The following MRGPRX3 variants were observed in gnomAD, a reference collection of about 807,000 sequenced individuals.
The protein encoded by MRGPRX3 is MAS related GPR family member X3.
In MRGPRX3, 14 loss-of-function variants were observed where a neutral mutation model predicts 16.5. That is an observed-to-expected ratio of 0.85 (90% CI 0.56 to 1.33). The LOEUF is 1.33. Ranked by LOEUF, MRGPRX3 falls within the 40% of genes most tolerant of loss-of-function variation. The probability of loss-of-function intolerance (pLI) is 0.00; values close to 1 mark genes in which losing one functional copy is unlikely to be tolerated. For missense variants in MRGPRX3, 449 were observed against 413.0 expected (o/e 1.09, Z -0.76); for synonymous variants, 199 against 180.1 (o/e 1.10, Z -0.84).
At chr11:18,121,519 A>G (rs1359142194) in intron 1 of MRGPRX3, among the ~76,000 whole-genome samples, 3 of 152,244 alleles carry the variant, frequency 2.0e-5, no homozygotes, top group Non-Finnish European at 4.4e-5. Flanking sequence ...CTCATTGAGA[A>G]CGGGCCAGGA....
chr11:18,121,808 C>T (rs960587319), intron 1 of MRGPRX3, among the ~76,000 whole-genome samples: 1 of 151,982 alleles, frequency 6.6e-6, no homozygotes, highest in East Asian at 1.9e-4. Flanking sequence ...GCAGCATGCT[C>T]GTTAAGAGTC....
intron 1 of MRGPRX3, among the ~76,000 whole-genome samples, chr11:18,135,473 A>T (rs750280625): frequency 2.0e-5 from 3 of 152,144 alleles, no homozygotes; most frequent in Non-Finnish European, 4.4e-5. Flanking sequence ...ATGCTCCTCT[A>T]TACTCCCAGA....
chr11:18,126,932 A>T (rs1362730654), intron 1 of MRGPRX3, among the ~76,000 whole-genome samples: 1 of 152,236 alleles, frequency 6.6e-6, no homozygotes, highest in Non-Finnish European at 1.5e-5. Context: ...TGCTATTGTG[A>T]ATAGTGCCAC....
upstream of MRGPRX3, among the ~76,000 whole-genome samples, chr11:18,131,381 A>C (rs1003121352): frequency 5.9e-5 from 9 of 152,332 alleles, no homozygotes; most frequent in African/African-American, 2.2e-4. Flanking sequence ...TAAGGACATG[A>C]ATAGACAATT....
intron 1 of MRGPRX3, 128 bp downstream of exon 1, chr11:18,132,867 A>G (rs1012353696): frequency 7.9e-5 from 12 of 152,266 alleles, no homozygotes; most frequent in Non-Finnish European, 1.6e-4. Context: ...GACAGGAGAC[A>G]TGAAGCTTCC....
At chr11:18,130,623 C>A (rs1234530724), upstream of MRGPRX3, among the ~76,000 whole-genome samples, 1 of 151,224 alleles carries the variant, frequency 6.6e-6, no homozygotes, top group Non-Finnish European at 1.5e-5. Flanking sequence ...CAATGCAATT[C>A]CCACCAAAAT....
At chr11:18,124,488 G>A (rs1238919462) in intron 1 of MRGPRX3, among the ~76,000 whole-genome samples, 1 of 152,166 alleles carries the variant, frequency 6.6e-6, no homozygotes, top group Non-Finnish European at 1.5e-5. Context: ...GCTGGATTAT[G>A]TTTATTGATT....
At chr11:18,122,027 GAAA>G (rs57582114) in intron 1 of MRGPRX3, among the ~76,000 whole-genome samples, 3 of 137,328 alleles carry the variant, frequency 2.2e-5, no homozygotes, top group Non-Finnish European at 4.6e-5. Flanking sequence ...AAGAAAAAAA[GAAA>G]AAAAAAAAAG....
In MRGPRX3 at chr11:18,137,770, G is replaced by A. The variant is rs1288355045; in HGVS notation, c.568G>A (p.Val190Ile). Residue 190 changes from valine (V) to isoleucine (I), a missense_variant, in exon 2 of 2, where the codon GTT becomes ATT. Transcript: ENST00000621697. ...TIAWLVFLCV[V>I]LCGSSLVLLV... Reference sequence around the variant, plus strand: ...CGCGTGGCTGGTTTTTTTATGTGTGGTTCTCTGTGGGTCCAGCCTGGTCCT... The same window carrying A: ...CGCGTGGCTGGTTTTTTTATGTGTGATTCTCTGTGGGTCCAGCCTGGTCCT... The A allele has an allele frequency of 2.5e-6, 4 of 1,614,048 alleles. No individual in the cohort carries two copies. Among genetic ancestry groups the A allele is most frequent in the East Asian group, 2.2e-5 (1 of 44,874 alleles).
intron 1 of MRGPRX3, among the ~76,000 whole-genome samples, chr11:18,121,806 C>T (rs1412291943): frequency 6.6e-6 from 1 of 152,020 alleles, no homozygotes; most frequent in Non-Finnish European, 1.5e-5. Context: ...AGGCAGCATG[C>T]TCGTTAAGAG....
At chr11:18,134,793 C>T (rs1466220528) in intron 1 of MRGPRX3, among the ~76,000 whole-genome samples, 1 of 152,200 alleles carries the variant, frequency 6.6e-6, no homozygotes. Flanking sequence ...TTCTATTAAT[C>T]CCATGAGCCA....
Position 18,137,687 on chromosome 11 carries a change from A to C in MRGPRX3, c.485A>C (p.Asp162Ala), listed in dbSNP as rs757003097. The C allele has an allele frequency of 6.2e-7, 1 of 1,613,714 alleles. No individual in the cohort carries two copies. Among genetic ancestry groups the C allele is most frequent in the Non-Finnish European group, 8.5e-7 (1 of 1,179,966 alleles). The part of the protein sequence containing the change: ...LRSILEWMFC[D>A]FLFSGANSVW... ...AGTATCCTGGAGTGGATGTTCTGTG[A>C]CTTCCTGTTTAGTGGTGCTAATTCT... is the stretch of plus-strand genomic sequence containing the variant. Residue 162 changes from aspartate (D) to alanine (A), a missense_variant, in exon 2 of 2, where the codon GAC becomes GCC. Transcript: ENST00000621697.
intron 1 of MRGPRX3, 120 bp from the exon 2 acceptor site, chr11:18,137,056 CTT>C (rs2134086082): frequency 1.9e-6 from 2 of 1,077,926 alleles, no homozygotes; most frequent in African/African-American, 3.2e-5. Flanking sequence ...TGATAGGTGA[CTT>C]ATTCTCTGCG....
At chr11:18,128,067 C>T (rs57992029), upstream of MRGPRX3, among the ~76,000 whole-genome samples, 4,345 of 152,276 alleles carry the variant, frequency 0.029, 197 homozygotes, top group African/African-American at 0.099. Flanking sequence ...GTATCAGCAG[C>T]GGAGGCTGCA....
In MRGPRX3 at chr11:18,137,670, G is replaced by A; in HGVS notation, c.468G>A (p.Leu156=). ...CCCTGTCCCTGCTGCGGAGTATCCT[G>A]GAGTGGATGTTCTGTGACTTCCTGT... ...LWALSLLRSI[L]EWMFCDFLFS... is the part of the protein sequence containing the mutation. Residue 156 remains leucine (L), a synonymous_variant, in exon 2 of 2, where the codon CTG becomes CTA. Transcript: ENST00000621697. 6.2e-7 allele frequency: 1 copy of A among 1,614,114 alleles called. No individual in the cohort carries two copies.
intron 1 of MRGPRX3, among the ~76,000 whole-genome samples, chr11:18,127,252 G>T (rs1309207202): frequency 3.9e-5 from 6 of 152,116 alleles, no homozygotes; most frequent in Non-Finnish European, 8.8e-5. Flanking sequence ...ATGTGTCTTG[G>T]AGTTGCTCTT....
rs1334386946 is a variant in MRGPRX3 at position 18,138,446 on chromosome 11, C to A, written c.*275C>A. On this transcript the variant is annotated 3_prime_UTR_variant, in exon 2 of 2. Coordinates refer to ENST00000621697, the MANE Select transcript of MRGPRX3 (RefSeq NM_001370464.1). ...TTTCCTACTGAACACTTTTTCTGCA[C>A]TTTTCATTGTAATAAAAGGAGTTGC... 5 of 388,022 alleles carry A rather than the reference C, an allele frequency of 1.3e-5. No individual in the cohort carries two copies. The highest frequency in any genetic ancestry group is 2.1e-5 in the African/African-American group (1 of 48,574). 24.0% of individuals were successfully genotyped at this position (388,022 alleles called of 1,614,324 possible).
intron 1 of MRGPRX3, among the ~76,000 whole-genome samples, chr11:18,123,541 G>A (rs1484075296): frequency 2.0e-5 from 3 of 151,992 alleles, no homozygotes; most frequent in African/African-American, 4.8e-5. Flanking sequence ...TGTTCCATTG[G>A]TCTATATCTC....
chr11:18,122,234 G>A, intron 1 of MRGPRX3, among the ~76,000 whole-genome samples: 1 of 152,002 alleles, frequency 6.6e-6, no homozygotes, highest in East Asian at 1.9e-4. Flanking sequence ...TTAAGTTCTA[G>A]GGTACATGTG....
Sources: allele counts gnomAD v4.1 joint callset (sites outside exome capture counted in the v4.1 genomes callset), GRCh38; gene constraint gnomAD v4.1.1; transcripts MANE v1.5; gene names NCBI Gene and HGNC (gene_info 2026-07-23, HGNC 2026-07-21).